KRT33A: variants seen among roughly 807,000 people sequenced by gnomAD.
KRT33A encodes the protein keratin, type I cuticular Ha3-I.
In KRT33A, 44 loss-of-function variants were observed where a neutral mutation model predicts 41.1. The observed-to-expected ratio is 1.07, with a 90% confidence interval of 0.84 to 1.38. KRT33A has a LOEUF of 1.38. KRT33A is among the 40% of genes most tolerant of loss of function. The pLI is 0.00. For synonymous variants in KRT33A, 229 were observed against 227.8 expected (o/e 1.01, Z -0.05); for missense variants, 536 against 518.5 (o/e 1.03, Z -0.33).
In KRT33A at chr17:41,350,827, G is replaced by T; in HGVS notation, c.-60C>A. 6.5e-7 allele frequency: 1 copy of T among 1,538,712 alleles called. No homozygotes were observed. The highest frequency in any genetic ancestry group is 8.8e-7 in the Non-Finnish European group (1 of 1,139,474). On this transcript the variant is annotated 5_prime_UTR_variant, in exon 1 of 7. Coordinates refer to ENST00000007735, the MANE Select transcript of KRT33A (RefSeq NM_004138.4). ...TCCAAAATCTCCAGGTTGTAGAGCGGTGGGTCTCCTTCCTCCAGGGAGCAT... is the reference window on the plus strand; with the variant it reads ...TCCAAAATCTCCAGGTTGTAGAGCGTTGGGTCTCCTTCCTCCAGGGAGCAT...
At chr17:41,347,334 T>C (rs2017441523) in intron 3 of KRT33A, 112 bp from the exon 4 acceptor site, 19 of 1,271,432 alleles carry the variant, frequency 1.5e-5, no homozygotes, top group Middle Eastern at 3.9e-4. Context: ...CTTTGTTCCC[T>C]CTGATCCTGT....
At position 41,348,512 on chromosome 17, in the gene KRT33A, G is replaced by A. The variant is rs1156676669; in HGVS notation, c.559C>T (p.Leu187=). The A allele has an allele frequency of 1.2e-6, 2 of 1,614,050 alleles. No individual in the cohort carries two copies. Among genetic ancestry groups the A allele is most frequent in the Admixed American group, 3.3e-5 (2 of 60,020 alleles). Residue 187 remains leucine (L), a synonymous_variant, in exon 3 of 7, where the codon CTG becomes TTG. Coordinates refer to ENST00000007735, the MANE Select transcript of KRT33A (RefSeq NM_004138.4). ...EAQVESLKEE[L]LCLKQNHEQE... ...TCATGGTTCTGCTTGAGGCACAGCA[G>A]CTCCTCCTTCAGGGACTCCACCTGG...
chr17:41,346,126 C>A lies in KRT33A; in HGVS notation c.1208G>T (p.Gly403Val), dbSNP rs757607921. 2.2e-5 allele frequency: 35 copies of A among 1,611,586 alleles called. No homozygotes were observed. The highest frequency in any genetic ancestry group is 2.9e-5 in the Non-Finnish European group (34 of 1,177,940). Residue 403 changes from glycine (G) to valine (V), a missense_variant, in exon 7 of 7, where the codon GGG becomes GTG. Physicochemically the swap from Gly to Val is moderately radical, Grantham distance 109 (BLOSUM62 -3). Transcript: ENST00000007735. ...CTCCTGGTTGTGGGGCCTCTAGTAC[C>A]CAAATGTGTTGCAAGGCCCACACCG... ...RARCGPCNTFGY is the reference protein window; with the variant it reads ...RARCGPCNTFVY
chr17:41,346,385 G>C, intron 6 of KRT33A, 63 bp downstream of exon 6: 1 of 1,601,480 alleles, frequency 6.2e-7, no homozygotes, highest in Non-Finnish European at 8.5e-7. Flanking sequence ...CCATCAAGAA[G>C]ACTATTCATC....
intron 3 of KRT33A, among the ~76,000 whole-genome samples, chr17:41,347,865 T>A (rs1351178211): frequency 6.6e-6 from 1 of 152,234 alleles, no homozygotes; most frequent in Non-Finnish European, 1.5e-5. Context: ...CATCTTAACA[T>A]GAGAACTGCC....
At chr17:41,348,054 C>G (rs889432674) in intron 3 of KRT33A, among the ~76,000 whole-genome samples, 3 of 152,238 alleles carry the variant, frequency 2.0e-5, no homozygotes, top group African/African-American at 7.2e-5. Context: ...CCAAGCAACA[C>G]TGAACAGCAA....
chr17:41,348,894 G>A (rs986736562), intron 2 of KRT33A, among the ~76,000 whole-genome samples: 3 of 152,142 alleles, frequency 2.0e-5, no homozygotes, highest in Non-Finnish European at 4.4e-5. Context: ...CCAGGAGTCT[G>A]AGGATCTGAA....
rs192878251 is a variant in KRT33A, at chr17:41,348,783, C to T, written c.432-144G>A. 441 of 860,946 alleles carry T rather than the reference C, an allele frequency of 5.1e-4. 4 individuals are homozygous for T. The highest frequency in any genetic ancestry group is 1.1e-3 in the Admixed American group (38 of 35,962). The allele number at this position is 860,946 out of a possible 1,614,324, so 53.3% of individuals were successfully genotyped here. ...TTTTGTTTAGGTTTTCAGCATCGAG[C>T]TGGAAGAAAATGCACTGGTAATTTT... On this transcript the variant is annotated intron_variant, in intron 2 of 6. Coordinates refer to ENST00000007735, the MANE Select transcript of KRT33A (RefSeq NM_004138.4).
chr17:41,348,554 T>A lies in KRT33A; in HGVS notation c.517A>T (p.Arg173Trp). 1 of 1,613,992 alleles carries A rather than the reference T, an allele frequency of 6.2e-7. No individual in the cohort carries two copies. The highest frequency in any genetic ancestry group is 1.7e-5 in the Admixed American group (1 of 60,018). The change falls in exon 3 of 7, where the codon AGG becomes TGG. Residue 173 changes from arginine (R) to tryptophan (W), a missense_variant. Coordinates refer to ENST00000007735, the MANE Select transcript of KRT33A (RefSeq NM_004138.4). ...TCCACCTGGGCCTCCAGGTCAGACC[T>A]GCACAGGGTCAGCTCATCCAGGATC... is the stretch of plus-strand genomic sequence containing the variant. ...RRILDELTLC[R>W]SDLEAQVESL...
chr17:41,349,643 C>T (rs1001909080), intron 1 of KRT33A, among the ~76,000 whole-genome samples: 7 of 151,734 alleles, frequency 4.6e-5, no homozygotes, highest in Non-Finnish European at 1.5e-5. Context: ...TTTTTTCTAT[C>T]CTAATGAGCA....
At chr17:41,346,281 G>A in intron 6 of KRT33A, 45 bp from the exon 7 acceptor site, 2 of 1,590,332 alleles carry the variant, frequency 1.3e-6, no homozygotes, top group South Asian at 2.2e-5. Context: ...AAAATGAGCT[G>A]AAGAGATTGG....
chr17:41,346,966 C>T lies in KRT33A; in HGVS notation c.754G>A (p.Glu252Lys), dbSNP rs776272731. The change falls in exon 5 of 7, where the codon GAG (glutamate) becomes AAG (lysine). Residue 252 changes from glutamate to lysine, a missense_variant. Transcript: ENST00000007735. Reference protein sequence around the residue: ...EVEQWFATQTEELNKQVVSSS... With the variant: ...EVEQWFATQTKELNKQVVSSS... Reference sequence around the variant, plus strand: ...GATACCACCTGCTTGTTCAGCTCCTCGGTCTGAAACACCCAAGGGGAGAAA... The same window carrying T: ...GATACCACCTGCTTGTTCAGCTCCTTGGTCTGAAACACCCAAGGGGAGAAA... 1.1e-5 allele frequency: 18 copies of T among 1,613,744 alleles called. No individual in the cohort carries two copies. Among genetic ancestry groups the T allele is most frequent in the Middle Eastern group, 1.7e-4 (1 of 5,780 alleles).
At position 41,346,824 on chromosome 17, in the gene KRT33A, C is replaced by A; in HGVS notation, c.876+20G>T. ...CTCCCAAGTTCCCATCGCTCACCAG[C>A]AGGTCTGAACAATACACACCAGGTT... On this transcript the variant is annotated intron_variant, in intron 5 of 6. Coordinates refer to ENST00000007735, the MANE Select transcript of KRT33A (RefSeq NM_004138.4). 6.2e-7 allele frequency: 1 copy of A among 1,611,488 alleles called. No individual in the cohort carries two copies. The highest frequency in any genetic ancestry group is 2.2e-5 in the East Asian group (1 of 44,884).
intron 3 of KRT33A, 116 bp downstream of exon 3, chr17:41,348,367 A>G (rs979547841): frequency 1.1e-5 from 11 of 1,043,032 alleles, no homozygotes; most frequent in Non-Finnish European, 1.3e-5. Context: ...CCCTTTTTGT[A>G]TGCAGAATTA....
In KRT33A at chr17:41,347,066, T is replaced by G. The variant is rs751943370; in HGVS notation, c.745A>C (p.Thr249Pro). 1.2e-5 allele frequency: 19 copies of G among 1,613,484 alleles called. No homozygotes were observed. The Admixed American group carries it at 3.2e-4, about 27-fold the overall frequency. The change falls in exon 4 of 7, where the codon ACG becomes CCG. Residue 249 changes from threonine (T) to proline (P), a missense_variant. Physicochemically the swap from Thr to Pro is conservative, Grantham distance 38 (BLOSUM62 -1). Transcript: ENST00000007735. ...NRREVEQWFA[T>P]QTEELNKQVV... is the part of the protein sequence containing the mutation. ...CCACGTGCTTAGATGCCCACCTGCG[T>G]GGCGAACCATTGCTCCACTTCCCTG...
In KRT33A at chr17:41,350,758, T is replaced by C. The variant is rs755178034; in HGVS notation, c.10A>G (p.Ser4Gly). Residue 4 changes from serine (S) to glycine (G), a missense_variant, in exon 1 of 7, where the codon AGT becomes GGT. By Grantham distance (56) the Ser-to-Gly change is moderately conservative. Transcript: ENST00000007735. ...CAGCTCAGGCTGGGCAGGCCACAACTGTAAGACATGGTGCAGGGAGGGAGT... is the reference window on the plus strand; with the variant it reads ...CAGCTCAGGCTGGGCAGGCCACAACCGTAAGACATGGTGCAGGGAGGGAGT... MSYSCGLPSLSCRT... is the reference protein window; with the variant it reads MSYGCGLPSLSCRT... The C allele has an allele frequency of 6.2e-7, 1 of 1,611,280 alleles. No individual in the cohort carries two copies. The highest frequency in any genetic ancestry group is 1.1e-5 in the South Asian group (1 of 90,924).
In KRT33A at chr17:41,350,637, C is replaced by T; in HGVS notation, c.131G>A (p.Cys44Tyr). ...GAAGGAGCCCTCACAGAACCAGTTG[C>T]AGTTGCTCACATTGGCGGGGATGTT... ...ACNIPANVSN[C>Y]NWFCEGSFNG... is the part of the protein sequence containing the mutation. Residue 44 changes from cysteine to tyrosine, a missense_variant, in exon 1 of 7, where the codon TGC becomes TAC. By Grantham distance (194) the Cys-to-Tyr change is radical. Coordinates refer to ENST00000007735, the MANE Select transcript of KRT33A (RefSeq NM_004138.4). 1 of 1,612,472 alleles carries T rather than the reference C, an allele frequency of 6.2e-7. No individual in the cohort carries two copies. Among genetic ancestry groups the T allele is most frequent in the East Asian group, 2.2e-5 (1 of 44,878 alleles).
In KRT33A at chr17:41,350,473, C is replaced by G. The variant is rs1386858369; in HGVS notation, c.295G>C (p.Val99Leu). 4 of 1,614,130 alleles carry G rather than the reference C, an allele frequency of 2.5e-6. No homozygotes were observed. The highest frequency in any genetic ancestry group is 3.4e-6 in the Non-Finnish European group (4 of 1,180,044). The change falls in exon 1 of 7, where the codon GTG (valine) becomes CTG (leucine). Residue 99 changes from valine (V) to leucine (L), a missense_variant. Transcript: ENST00000007735. ...AAGTAGGACTGGTAGCTGGCACACA[C>G]CAAGGGCTCCTGCTGCTGTGACCGC... is the stretch of plus-strand genomic sequence containing the variant. Reference protein sequence around the residue: ...RERSQQQEPLVCASYQSYFKT... With the variant: ...RERSQQQEPLLCASYQSYFKT...
At position 41,347,116 on chromosome 17, in the gene KRT33A, T is replaced by G. The variant is rs1371852653; in HGVS notation, c.695A>C (p.Tyr232Ser). Residue 232 changes from tyrosine to serine, a missense_variant, in exon 4 of 7, where the codon TAT becomes TCT. Tyr to Ser is a moderately radical substitution (Grantham distance 144). Transcript: ENST00000007735. ...NQVLNETRSQ[Y>S]EALVETNRRE... ...GCGGTTGGTTTCCACCAGGGCCTCA[T>G]ACTGACTCCTGGTCTCATTCAGGAC... is the stretch of plus-strand genomic sequence containing the variant. The G allele has an allele frequency of 6.2e-7, 1 of 1,614,042 alleles. No individual in the cohort carries two copies. Among genetic ancestry groups the G allele is most frequent in the Non-Finnish European group, 8.5e-7 (1 of 1,180,014 alleles).
Sources: allele counts gnomAD v4.1 joint callset (sites outside exome capture counted in the v4.1 genomes callset), GRCh38; gene constraint gnomAD v4.1.1; transcripts MANE v1.5; gene names NCBI Gene and HGNC (gene_info 2026-07-23, HGNC 2026-07-21).